Variants in TSHR observed in about 807,000 individuals in gnomAD.
TSHR encodes the protein thyroid stimulating hormone receptor, also known as thyrotropin receptor.
A neutral mutation model predicts 64.1 loss-of-function variants in TSHR; 51 were observed. That is an observed-to-expected ratio of 0.80 (90% CI 0.64 to 1.01). The LOEUF (loss-of-function observed/expected upper bound fraction) is 1.01, where lower values mean the gene tolerates loss of function less well. TSHR is among the 50% of genes least tolerant of loss of function. The probability of loss-of-function intolerance (pLI) is 0.00; values close to 1 mark genes in which losing one functional copy is unlikely to be tolerated. For missense variants in TSHR, 877 were observed against 942.8 expected (o/e 0.93, Z 0.91); for synonymous variants, 361 against 361.9 (o/e 1.00, Z 0.03).
At chr14:81,137,606 C>T (rs961354788) in intron 8 of TSHR, among the ~76,000 whole-genome samples, 6 of 152,174 alleles carry the variant, frequency 3.9e-5, no homozygotes, top group South Asian at 2.1e-4. Flanking sequence ...TCCCAGCTGA[C>T]GCCCCAGACA....
intron 1 of TSHR, among the ~76,000 whole-genome samples, chr14:81,035,702 T>C (rs12323481): frequency 0.24 from 37,174 of 152,054 alleles, 4,666 homozygotes; most frequent in South Asian, 0.33. Flanking sequence ...AGGAAATGGG[T>C]AATGCTTGTG....
intron 1 of TSHR, chr14:81,014,174 C>T (rs1028803277): frequency 5.3e-5 from 8 of 152,178 alleles, no homozygotes; most frequent in African/African-American, 1.7e-4. Flanking sequence ...TTTTCATTCG[C>T]TTGTAGTCTT....
intron 8 of TSHR, among the ~76,000 whole-genome samples, chr14:81,125,982 T>C (rs894038657): frequency 2.0e-5 from 3 of 152,118 alleles, no homozygotes; most frequent in Non-Finnish European, 4.4e-5. Context: ...TGCTGACTTC[T>C]TGACAAGAAC....
intron 2 of TSHR, among the ~76,000 whole-genome samples, chr14:81,067,049 A>T (rs1886666446): frequency 6.6e-6 from 1 of 152,136 alleles, no homozygotes; most frequent in Non-Finnish European, 1.5e-5. Flanking sequence ...TATTTGAATT[A>T]CTTTTTGCTT....
At chr14:81,014,204 G>T (rs2139782784) in intron 1 of TSHR, 1 of 152,240 alleles carries the variant, frequency 6.6e-6, no homozygotes, top group Non-Finnish European at 1.5e-5. Context: ...ACAATGTCAG[G>T]GACGGTCTCC....
intron 1 of TSHR, among the ~76,000 whole-genome samples, chr14:80,969,045 A>G (rs918382751): frequency 6.6e-6 from 1 of 152,182 alleles, no homozygotes; most frequent in Admixed American, 6.5e-5. Context: ...AGCCAATTCT[A>G]TCATTGCCCC....
At chr14:81,002,319 C>T (rs1889364865) in intron 1 of TSHR, among the ~76,000 whole-genome samples, 1 of 152,112 alleles carries the variant, frequency 6.6e-6, no homozygotes, top group African/African-American at 2.4e-5. Context: ...AGTATAGACT[C>T]TGGTAACCCA....
intron 1 of TSHR, among the ~76,000 whole-genome samples, chr14:81,048,020 C>T (rs1051775894): frequency 5.3e-5 from 8 of 152,090 alleles, no homozygotes; most frequent in African/African-American, 1.9e-4. Context: ...GCTAAGACCC[C>T]ATATATTATA....
At chr14:81,006,648 G>T (rs1566759697) in intron 1 of TSHR, among the ~76,000 whole-genome samples, 1 of 152,044 alleles carries the variant, frequency 6.6e-6, no homozygotes, top group Non-Finnish European at 1.5e-5. Context: ...GAATAGCTGG[G>T]ATTACAGGCA....
rs192207326 is a variant in TSHR at position 81,054,342 on chromosome 14, G to C, written c.171-7806G>C. ...AAACCTCTTTTTCTTCCCAGTCTTG[G>C]GTATGTCTTTATTAGCAGTGTGAAA... On this transcript the variant is annotated intron_variant, in intron 1 of 9. Transcript: ENST00000298171. Among the ~76,000 whole-genome samples the C allele has an allele frequency of 1.7e-3, 260 of 152,158 alleles. 1 individual carries two copies. The highest frequency in any genetic ancestry group is 0.01 in the Middle Eastern group (3 of 294).
intron 1 of TSHR, among the ~76,000 whole-genome samples, chr14:80,973,782 A>G (rs575675059): frequency 6.6e-6 from 1 of 152,328 alleles, no homozygotes; most frequent in East Asian, 1.9e-4. Flanking sequence ...CTCCATTAAC[A>G]AATTTAACCA....
intron 1 of TSHR, among the ~76,000 whole-genome samples, chr14:81,022,743 C>T (rs1883836858): frequency 1.3e-5 from 2 of 152,086 alleles, no homozygotes; most frequent in South Asian, 2.1e-4. Context: ...ATCGCTTGAA[C>T]CCGGGAGGCA....
At chr14:81,060,319 T>C (rs1259086473) in intron 1 of TSHR, among the ~76,000 whole-genome samples, 2 of 152,074 alleles carry the variant, frequency 1.3e-5, no homozygotes, top group Non-Finnish European at 2.9e-5. Context: ...TACACAGAGA[T>C]TTTGGTAGAA....
intron 1 of TSHR, among the ~76,000 whole-genome samples, chr14:81,035,259 A>C (rs1566773665): frequency 6.6e-6 from 1 of 152,210 alleles, no homozygotes; most frequent in Non-Finnish European, 1.5e-5. Flanking sequence ...AGTGTTGTGT[A>C]AACTGCAGAA....
At chr14:81,070,732 A>G (rs1476559115) in intron 3 of TSHR, among the ~76,000 whole-genome samples, 2 of 151,822 alleles carry the variant, frequency 1.3e-5, no homozygotes, top group Admixed American at 6.6e-5. Context: ...CATGGAACTT[A>G]TAAAACAACA....
chr14:81,045,210 G>T (rs1257642553), intron 1 of TSHR, among the ~76,000 whole-genome samples: 1 of 152,042 alleles, frequency 6.6e-6, no homozygotes, highest in African/African-American at 2.4e-5. Context: ...AAAAAGAGCT[G>T]GGCTTATGTC....
intron 1 of TSHR, among the ~76,000 whole-genome samples, chr14:81,040,033 G>T (rs1884845395): frequency 6.6e-6 from 1 of 151,814 alleles, no homozygotes; most frequent in Non-Finnish European, 1.5e-5. Context: ...AAAGAACAAA[G>T]CTGACGGCAT....
chr14:81,081,984 AT>A (rs1887934007), intron 3 of TSHR, among the ~76,000 whole-genome samples: 1 of 152,236 alleles, frequency 6.6e-6, no homozygotes, highest in African/African-American at 2.4e-5. Flanking sequence ...GAAAAATAAA[AT>A]TAAAAAGAAA....
intron 8 of TSHR, among the ~76,000 whole-genome samples, chr14:81,110,386 TG>T (rs1890174343): frequency 6.6e-6 from 1 of 152,188 alleles, no homozygotes. Flanking sequence ...ACACCAGGGA[TG>T]GGCGCTCACA....
Sources: allele counts gnomAD v4.1 joint callset (sites outside exome capture counted in the v4.1 genomes callset), GRCh38; gene constraint gnomAD v4.1.1; transcripts MANE v1.5; gene names NCBI Gene and HGNC (gene_info 2026-07-23, HGNC 2026-07-21).